FAM193A: variants seen among roughly 807,000 people sequenced by gnomAD.
FAM193A encodes the protein family with sequence similarity 193 member A, also known as protein FAM193A.
FAM193A carries 22 observed loss-of-function variants against 126.5 expected under a neutral mutation model. The ratio of observed to expected loss-of-function variants is 0.17; its 90% CI spans 0.12 to 0.25. The LOEUF (loss-of-function observed/expected upper bound fraction) is 0.25, where lower values mean the gene tolerates loss of function less well. Among genes scored for constraint, FAM193A ranks in the 10% least tolerant of loss-of-function variants. The probability of loss-of-function intolerance (pLI) is 1.00; values close to 1 mark genes in which losing one functional copy is unlikely to be tolerated. For synonymous variants in FAM193A, 761 were observed against 646.8 expected (o/e 1.18, Z -2.68); for missense variants, 1,675 against 1,672.8 (o/e 1.00, Z -0.02).
chr4:2,655,951 A>G (rs968253013), intron 7 of FAM193A, among the ~76,000 whole-genome samples: 1 of 152,138 alleles, frequency 6.6e-6, no homozygotes, highest in Non-Finnish European at 1.5e-5. Context: ...TTATTTACAA[A>G]CAAATGAAAT....
In FAM193A at chr4:2,732,178, C is replaced by T; in HGVS notation, c.*310C>T. 1 of 399,838 alleles carries T rather than the reference C, an allele frequency of 2.5e-6. No individual in the cohort carries two copies. The highest frequency in any genetic ancestry group is 2.4e-5 in the South Asian group (1 of 41,466). 24.8% of individuals were successfully genotyped at this position (399,838 alleles called of 1,614,324 possible). A position where few individuals can be genotyped will look rare whatever the true frequency, so the allele number is the denominator to read the frequency against. Reference sequence around the variant, plus strand: ...GTGGCCAGATAGGAGTTTGCATCATCCACGTGGCTCCGTTGCCTCTGCATT... The same window carrying T: ...GTGGCCAGATAGGAGTTTGCATCATTCACGTGGCTCCGTTGCCTCTGCATT... On this transcript the variant is annotated 3_prime_UTR_variant, in exon 21 of 21. Transcript: ENST00000637812.
intron 19 of FAM193A, 64 bp downstream of exon 19, chr4:2,700,608 AG>A: frequency 6.5e-7 from 1 of 1,547,886 alleles, no homozygotes; most frequent in Non-Finnish European, 8.7e-7. Flanking sequence ...GTGATGTGCT[AG>A]TATAGGAAAA....
chr4:2,623,265 G>T (rs1742664278), intron 2 of FAM193A, among the ~76,000 whole-genome samples: 1 of 152,040 alleles, frequency 6.6e-6, no homozygotes, highest in Admixed American at 6.6e-5. Context: ...CTGCCTTCGG[G>T]TTCAAGCAAT....
chr4:2,659,856 G>T lies in FAM193A; in HGVS notation c.1547G>T (p.Gly516Val). 1 of 1,614,100 alleles carries T rather than the reference G, an allele frequency of 6.2e-7. No individual in the cohort carries two copies. The highest frequency in any genetic ancestry group is 8.5e-7 in the Non-Finnish European group (1 of 1,179,992). ...DCSLSHILTC[G>V]IMDPPVTDDI... The stretch of plus-strand genomic sequence containing the variant: ...AGTCTCTCACACATCCTCACGTGTG[G>T]TATCATGGACCCCCCCGTCACTGAT... Residue 516 changes from glycine to valine, a missense_variant, in exon 10 of 21, where the codon GGT becomes GTT. Physicochemically the swap from Gly to Val is moderately radical, Grantham distance 109. This residue lies in a region of FAM193A where 1,186 missense variants were observed against 1,109.2 expected (regional missense o/e 1.07). Coordinates refer to ENST00000637812, the MANE Select transcript of FAM193A (RefSeq NM_001366318.2).
chr4:2,538,080 G>T (rs78571584), intron 1 of FAM193A, among the ~76,000 whole-genome samples: 4,324 of 152,076 alleles, frequency 0.028, 222 homozygotes, highest in African/African-American at 0.098. Flanking sequence ...TTTTTGAAAA[G>T]TTGCGTTCTT....
intron 5 of FAM193A, among the ~76,000 whole-genome samples, chr4:2,632,150 C>T (rs187137648): frequency 1.3e-5 from 2 of 152,046 alleles, no homozygotes; most frequent in Admixed American, 6.6e-5. Flanking sequence ...CATCACATGG[C>T]GAGAGGGCTG....
At chr4:2,674,959 G>C (rs1387470140) in intron 13 of FAM193A, among the ~76,000 whole-genome samples, 1 of 152,076 alleles carries the variant, frequency 6.6e-6, no homozygotes, top group Admixed American at 6.6e-5. Context: ...AAAGTTCAAA[G>C]TATTGCTGAG....
chr4:2,639,668 C>G, intron 5 of FAM193A, 67 bp from the exon 6 acceptor site: 1 of 1,387,292 alleles, frequency 7.2e-7, no homozygotes, highest in Non-Finnish European at 1.0e-6. Context: ...GGGAATCCCT[C>G]TGGGAATTTT....
intron 20 of FAM193A, among the ~76,000 whole-genome samples, chr4:2,721,176 G>GA (rs1048244616): frequency 6.6e-6 from 1 of 152,028 alleles, no homozygotes; most frequent in Admixed American, 6.6e-5. Flanking sequence ...AGCCAGGCGT[G>GA]GTGGCGGGCA....
chr4:2,602,228 T>C (rs749221867), intron 2 of FAM193A, among the ~76,000 whole-genome samples: 1 of 151,748 alleles, frequency 6.6e-6, no homozygotes, highest in Admixed American at 6.6e-5. Context: ...AAAAAAAAAT[T>C]TAGAGGCCCG....
chr4:2,567,568 GTGT>G (rs1458109693), intron 1 of FAM193A, among the ~76,000 whole-genome samples: 2 of 152,042 alleles, frequency 1.3e-5, no homozygotes, highest in Admixed American at 6.5e-5. Context: ...AACAAGTTTT[GTGT>G]TGTTATTAAA....
intron 10 of FAM193A, among the ~76,000 whole-genome samples, chr4:2,660,472 G>C (rs1382758720): frequency 6.6e-6 from 1 of 152,166 alleles, no homozygotes; most frequent in Admixed American, 6.5e-5. Context: ...TGTTTTTCAT[G>C]TTCCCGCATG....
Position 2,674,283 on chromosome 4 carries a change from T to G in FAM193A, c.2331+1911T>G, listed in dbSNP as rs1297583081. On this transcript the variant is annotated intron_variant, in intron 13 of 20. Transcript: ENST00000637812. Reference sequence around the variant, plus strand: ...TTGTGTTATTTGACTTAGTTTGGCTTAGTTGGATGCTGTTGACCACATCTG... The same window carrying G: ...TTGTGTTATTTGACTTAGTTTGGCTGAGTTGGATGCTGTTGACCACATCTG... Among the ~76,000 whole-genome samples the G allele has an allele frequency of 2.0e-5, 3 of 151,772 alleles. No homozygotes were observed. In the East Asian group the frequency reaches 5.8e-4, roughly 29 times the overall value.
intron 1 of FAM193A, among the ~76,000 whole-genome samples, chr4:2,563,364 A>G (rs1234080648): frequency 6.6e-6 from 1 of 152,202 alleles, no homozygotes; most frequent in Non-Finnish European, 1.5e-5. Context: ...ATGAGCACTC[A>G]GTCAGTACAT....
At chr4:2,691,388 G>A (rs1716362143) in intron 15 of FAM193A, among the ~76,000 whole-genome samples, 1 of 152,174 alleles carries the variant, frequency 6.6e-6, no homozygotes, top group South Asian at 2.1e-4. Flanking sequence ...GCTAATTTCT[G>A]TATTTTTTGG....
At chr4:2,607,839 A>G (rs1250364648) in intron 2 of FAM193A, 1 of 594,446 alleles carries the variant, frequency 1.7e-6, no homozygotes, top group Non-Finnish European at 2.9e-6. Context: ...ATTTCTTTAT[A>G]TACACTCAGT....
At chr4:2,614,241 G>A (rs1742055646) in intron 2 of FAM193A, among the ~76,000 whole-genome samples, 1 of 152,164 alleles carries the variant, frequency 6.6e-6, no homozygotes, top group Non-Finnish European at 1.5e-5. Flanking sequence ...CATGATCTTA[G>A]GGGAAAGCAT....
At chr4:2,613,419 A>G (rs1741997423) in intron 2 of FAM193A, among the ~76,000 whole-genome samples, 1 of 149,650 alleles carries the variant, frequency 6.7e-6, no homozygotes. Context: ...GTGTACTGTA[A>G]AAACTCATTT....
intron 1 of FAM193A, among the ~76,000 whole-genome samples, chr4:2,586,859 G>A (rs1192741191): frequency 6.6e-6 from 1 of 151,922 alleles, no homozygotes; most frequent in African/African-American, 2.4e-5. Context: ...TCCCTCTGTT[G>A]CTCAGGCGGT....
Sources: allele counts gnomAD v4.1 joint callset (sites outside exome capture counted in the v4.1 genomes callset), GRCh38; gene constraint gnomAD v4.1.1; regional missense constraint gnomAD v4.1.1; transcripts MANE v1.5; gene names NCBI Gene and HGNC (gene_info 2026-07-23, HGNC 2026-07-21).